The following UCHL3 variants were observed in gnomAD, a reference collection of about 807,000 sequenced individuals.
UCHL3 encodes the protein ubiquitin carboxyl-terminal hydrolase isozyme L3.
A neutral mutation model predicts 35.8 loss-of-function variants in UCHL3; 22 were observed. That is an observed-to-expected ratio of 0.61 (90% CI 0.44 to 0.88). The LOEUF (loss-of-function observed/expected upper bound fraction) is 0.88. UCHL3 is among the 40% of genes least tolerant of loss of function. UCHL3 has a pLI of 0.00. For missense variants in UCHL3, 229 were observed against 276.9 expected (o/e 0.83, Z 1.23); for synonymous variants, 90 against 92.8 (o/e 0.97, Z 0.17).
rs546657200 is a variant in UCHL3, at chr13:75,592,415, CAT to C, written c.475-2449_475-2448del. Among the ~76,000 whole-genome samples, 59 of 40,636 alleles carry C rather than the reference CAT, an allele frequency of 1.5e-3. 1 individual carries two copies. Among genetic ancestry groups the C allele is most frequent in the African/African-American group, 4.2e-3 (32 of 7,562 alleles). The allele number at this position is 40,636 out of a possible 152,430, so 26.7% of individuals were successfully genotyped here. On this transcript the variant is annotated intron_variant, in intron 6 of 8. Transcript: ENST00000377595. ...TAAAGTGGAATTTTAATTTTTCCTTCATATATATATATATATATATATATATA... is the reference window on the plus strand; with the variant it reads ...TAAAGTGGAATTTTAATTTTTCCTTCATATATATATATATATATATATATA...
intron 6 of UCHL3, among the ~76,000 whole-genome samples, chr13:75,592,454 A>G (rs1187583346): frequency 2.6e-4 from 31 of 118,832 alleles, no homozygotes; most frequent in African/African-American, 8.1e-4. Flanking sequence ...ATATATATAT[A>G]TATATATATA....
intron 2 of UCHL3, among the ~76,000 whole-genome samples, chr13:75,550,392 C>T (rs2031043958): frequency 6.6e-6 from 1 of 152,164 alleles, no homozygotes; most frequent in Non-Finnish European, 1.5e-5. Flanking sequence ...TAAACTCGCC[C>T]ACCCAGTCCT....
intron 7 of UCHL3, among the ~76,000 whole-genome samples, chr13:75,598,189 T>G (rs2032692423): frequency 6.6e-6 from 1 of 152,204 alleles, no homozygotes; most frequent in Non-Finnish European, 1.5e-5. Context: ...ACAGAAATAG[T>G]ATACAGAGCT....
intron 6 of UCHL3, among the ~76,000 whole-genome samples, chr13:75,592,615 A>AT (rs1043363923): frequency 2.0e-5 from 3 of 150,592 alleles, no homozygotes; most frequent in African/African-American, 7.3e-5. Context: ...AAGCAATTAA[A>AT]TAATTACAGA....
intron 6 of UCHL3, among the ~76,000 whole-genome samples, chr13:75,572,115 C>G (rs1471091033): frequency 6.6e-6 from 1 of 150,962 alleles, no homozygotes; most frequent in Admixed American, 6.6e-5. Context: ...TTAGCCATCC[C>G]TTATTTCCTT....
chr13:75,602,202 G>A (rs914582444), intron 7 of UCHL3, among the ~76,000 whole-genome samples: 8 of 152,114 alleles, frequency 5.3e-5, no homozygotes, highest in East Asian at 1.9e-4. Context: ...CATCATTCAC[G>A]TCGTTGGCCA....
chr13:75,569,443 C>T lies in UCHL3; in HGVS notation c.427-17C>T, dbSNP rs371068168. 5.0e-6 allele frequency: 8 copies of T among 1,597,730 alleles called. No homozygotes were observed. The highest frequency in any genetic ancestry group is 2.3e-5 in the East Asian group (1 of 44,400). On this transcript the variant is annotated splice_polypyrimidine_tract_variant and intron_variant, in intron 5 of 8. Coordinates refer to ENST00000377595, the MANE Select transcript of UCHL3 (RefSeq NM_006002.5). The stretch of plus-strand genomic sequence containing the variant: ...TATAGGCATTTTTTCCAATGAATAC[C>T]TTTATTCTTATTACAGGCCATCCGA...
chr13:75,594,709 A>G lies in UCHL3; in HGVS notation c.475-206A>G, dbSNP rs2032598124. Among the ~76,000 whole-genome samples, 2 of 152,150 alleles carry G rather than the reference A, an allele frequency of 1.3e-5. 1 individual carries two copies. The highest frequency in any genetic ancestry group is 2.9e-5 in the Non-Finnish European group (2 of 68,010). ...GATTAAGAAAGTTGTGCTTTTAGTC[A>G]CTGTTTTCTTTGCCGATAACTGAGC... On this transcript the variant is annotated intron_variant, in intron 6 of 8. Coordinates refer to ENST00000377595, the MANE Select transcript of UCHL3 (RefSeq NM_006002.5).
chr13:75,581,555 C>T (rs1400340031), intron 6 of UCHL3, among the ~76,000 whole-genome samples: 1 of 148,318 alleles, frequency 6.7e-6, no homozygotes, highest in African/African-American at 2.5e-5. Flanking sequence ...GTGGGGTCTC[C>T]CTATGTTACC....
rs1452639987 is a variant in UCHL3 at position 75,569,517 on chromosome 13, A to AT, written c.474+16dup. The AT allele has an allele frequency of 6.2e-7, 1 of 1,604,480 alleles. No individual in the cohort carries two copies. The highest frequency in any genetic ancestry group is 1.1e-5 in the South Asian group (1 of 88,048). ...TGAAGGTCAGACTGAGGTATTTCAC[A>AT]TTTTTTCTAAATTTTTCTTGCTATA... is the stretch of plus-strand genomic sequence containing the variant. On this transcript the variant is annotated intron_variant, in intron 6 of 8. Transcript: ENST00000377595.
intron 6 of UCHL3, among the ~76,000 whole-genome samples, chr13:75,578,745 G>A (rs192141098): frequency 6.6e-6 from 1 of 152,148 alleles, no homozygotes; most frequent in East Asian, 1.9e-4. Context: ...AATCTATTTT[G>A]GTTAGTGTTG....
At chr13:75,574,359 G>A (rs534545986) in intron 6 of UCHL3, among the ~76,000 whole-genome samples, 2 of 151,608 alleles carry the variant, frequency 1.3e-5, no homozygotes, top group Non-Finnish European at 1.5e-5. Context: ...TTTCTTCCTT[G>A]TGTATATTTG....
intron 6 of UCHL3, among the ~76,000 whole-genome samples, chr13:75,582,771 G>A (rs1282784987): frequency 6.6e-6 from 1 of 152,154 alleles, no homozygotes; most frequent in Non-Finnish European, 1.5e-5. Flanking sequence ...TTTAACAATT[G>A]CATTAACAGT....
Position 75,549,859 on chromosome 13 carries a change from C to G in UCHL3, c.39C>G (p.Pro13=), listed in dbSNP as rs781342676. Residue 13 remains proline (P), a synonymous_variant, in exon 1 of 9, where the codon CCC becomes CCG. Transcript: ENST00000377595. ...GQRWLPLEAN[P]EVTNQFLKQL... ...GCTGGCTGCCGCTGGAGGCCAATCC[C>G]GAGGTGGGCGCGCTTCGGGGCAGCC... 5 of 1,608,598 alleles carry G rather than the reference C, an allele frequency of 3.1e-6. No individual in the cohort carries two copies. Among genetic ancestry groups the G allele is most frequent in the Non-Finnish European group, 4.2e-6 (5 of 1,177,270 alleles).
chr13:75,582,256 A>G (rs1426521936), intron 6 of UCHL3, among the ~76,000 whole-genome samples: 1 of 152,246 alleles, frequency 6.6e-6, no homozygotes, highest in Non-Finnish European at 1.5e-5. Flanking sequence ...ATCTCATGCA[A>G]CAATTACTTA....
chr13:75,563,033 T>C (rs181887128), intron 3 of UCHL3, among the ~76,000 whole-genome samples: 6 of 152,310 alleles, frequency 3.9e-5, no homozygotes, highest in Non-Finnish European at 8.8e-5. Context: ...AAAGTGTTTG[T>C]CTTTGAAGTT....
intron 6 of UCHL3, among the ~76,000 whole-genome samples, chr13:75,585,366 A>T (rs1425403852): frequency 6.6e-6 from 1 of 152,214 alleles, no homozygotes; most frequent in Admixed American, 6.5e-5. Context: ...CAGACTCCTT[A>T]CTAGAGGTTA....
intron 2 of UCHL3, 51 bp downstream of exon 2, chr13:75,550,038 G>T: frequency 1.2e-6 from 2 of 1,613,632 alleles, no homozygotes; most frequent in Non-Finnish European, 1.7e-6. Flanking sequence ...CTGTCTGCTC[G>T]GTCCGCTTCC....
At chr13:75,576,039 A>G (rs1183112289) in intron 6 of UCHL3, among the ~76,000 whole-genome samples, 1 of 152,138 alleles carries the variant, frequency 6.6e-6, no homozygotes, top group African/African-American at 2.4e-5. Flanking sequence ...GGTGTGAGCC[A>G]CCGCCCCAGC....
Sources: allele counts gnomAD v4.1 joint callset (sites outside exome capture counted in the v4.1 genomes callset), GRCh38; gene constraint gnomAD v4.1.1; transcripts MANE v1.5; gene names NCBI Gene and HGNC (gene_info 2026-07-23, HGNC 2026-07-21).